MYBPC3: variants seen among roughly 807,000 people sequenced by gnomAD.
MYBPC3 encodes the protein myosin-binding protein C, cardiac-type.
Under a neutral mutation model 159.3 loss-of-function variants are expected in MYBPC3, and 108 were observed. The observed-to-expected ratio is 0.68, with a 90% confidence interval of 0.58 to 0.80. The LOEUF (loss-of-function observed/expected upper bound fraction) is 0.80, where lower values mean the gene tolerates loss of function less well. Ranked by LOEUF, MYBPC3 falls within the 30% of genes least tolerant of loss-of-function variation. MYBPC3 has a pLI of 0.00. For synonymous variants in MYBPC3, 730 were observed against 702.0 expected, an observed-to-expected ratio of 1.04 and a Z score of -0.63; for missense variants, 1,631 against 1,762.1, an observed-to-expected ratio of 0.93 and a Z score of 1.33.
intron 1 of MYBPC3, among the ~76,000 whole-genome samples, chr11:47,352,105 C>G (rs1373441164): frequency 6.6e-6 from 1 of 152,030 alleles, no homozygotes; most frequent in African/African-American, 2.4e-5. Context: ...GCTGTGTCAC[C>G]CTCAACATGG....
At position 47,338,702 on chromosome 11, in the gene MYBPC3, T is replaced by G. The variant is rs1595844422; in HGVS notation, c.2149-23A>C. ...CAGCTGGGGGGGTGCAGAGTTGGGG[T>G]GAGATCCAAGTCAGACCCCAGAGGC... is the stretch of plus-strand genomic sequence containing the variant. On this transcript the variant is annotated intron_variant, in intron 22 of 34. Coordinates refer to ENST00000545968, the MANE Select transcript of MYBPC3 (RefSeq NM_000256.3). The surrounding 1 kb of genome is among the most constrained non-coding windows in gnomAD (Gnocchi z 4.7). 6.3e-7 allele frequency: 1 copy of G among 1,594,272 alleles called. No individual in the cohort carries two copies. The highest frequency in any genetic ancestry group is 8.5e-7 in the Non-Finnish European group (1 of 1,170,314).
rs373638535 is a variant in MYBPC3 at position 47,351,410 on chromosome 11, G to A, written c.121C>T (p.Arg41Cys). 27 of 1,609,808 alleles carry A rather than the reference G, an allele frequency of 1.7e-5. No homozygotes were observed. Among genetic ancestry groups the A allele is most frequent in the South Asian group, 3.3e-5 (3 of 90,532 alleles). The change falls in exon 2 of 35, where the codon CGC becomes TGC. Residue 41 changes from arginine to cysteine, a missense_variant. Physicochemically the swap from Arg to Cys is radical, Grantham distance 180. Coordinates refer to ENST00000545968, the MANE Select transcript of MYBPC3 (RefSeq NM_000256.3). The surrounding 1 kb of genome is among the most constrained non-coding windows in gnomAD (Gnocchi z 4.2). ...ATGTCACTGCCTCCGCGCTGCCAGCGCACCTTCACTCCTGCCCGCTCTGTC... is the reference window on the plus strand; with the variant it reads ...ATGTCACTGCCTCCGCGCTGCCAGCACACCTTCACTCCTGCCCGCTCTGTC... ...AETERAGVKV[R>C]WQRGGSDISA...
In MYBPC3 at chr11:47,351,212, CTCAGGGAAGGCTGA is replaced by C; in HGVS notation, c.292+13_292+26del. 1 of 1,493,210 alleles carries C rather than the reference CTCAGGGAAGGCTGA, an allele frequency of 6.7e-7. No individual in the cohort carries two copies. The highest frequency in any genetic ancestry group is 2.5e-5 in the East Asian group (1 of 39,962). 92.5% of individuals were successfully genotyped at this position (1,493,210 alleles called of 1,614,324 possible). The stretch of plus-strand genomic sequence containing the variant: ...CTGCCCCTCCCCCAGCAGCCCAAAC[CTCAGGGAAGGCTGA>C]TCAGGATCTTACCTGCCTCTATGAC... On this transcript the variant is annotated intron_variant, in intron 2 of 34. Coordinates refer to ENST00000545968, the MANE Select transcript of MYBPC3 (RefSeq NM_000256.3). This position sits in a 1 kb window ranked among gnomAD's most constrained non-coding sequence, Gnocchi z 4.2.
At chr11:47,342,225 C>T (rs538446978) in intron 17 of MYBPC3, 69 bp from the exon 18 acceptor site, 5 of 1,557,144 alleles carry the variant, frequency 3.2e-6, no homozygotes, top group South Asian at 2.4e-5. Flanking sequence ...CTGTGGAGGG[C>T]GTGTGGGCCC....
Position 47,346,188 on chromosome 11 carries a change from C to T in MYBPC3, c.1090+19G>A. On this transcript the variant is annotated intron_variant, in intron 12 of 34. Coordinates refer to ENST00000545968, the MANE Select transcript of MYBPC3 (RefSeq NM_000256.3). The surrounding 1 kb of genome is among the most constrained non-coding windows in gnomAD (Gnocchi z 5.3). ...GGCTAGCCTGTGCCCTCTCCTCTCC[C>T]CTCTGAGGAAGGGCTAACCTGTGCT... The T allele has an allele frequency of 1.2e-6, 2 of 1,613,352 alleles. No homozygotes were observed. The highest frequency in any genetic ancestry group is 1.7e-6 in the Non-Finnish European group (2 of 1,179,700).
At chr11:47,337,603 C>T in intron 24 of MYBPC3, 24 bp from the exon 25 acceptor site, 1 of 1,613,886 alleles carries the variant, frequency 6.2e-7, no homozygotes, top group South Asian at 1.1e-5. Context: ...GGTGGCAGCT[C>T]TGGTCTGGAA....
At position 47,346,537 on chromosome 11, in the gene MYBPC3, G is replaced by T; in HGVS notation, c.926+90C>A. On this transcript the variant is annotated intron_variant, in intron 11 of 34. Coordinates refer to ENST00000545968, the MANE Select transcript of MYBPC3 (RefSeq NM_000256.3). This position sits in a 1 kb window ranked among gnomAD's most constrained non-coding sequence, Gnocchi z 5.3. ...GGTCCCAGGCCAGGCAGGACTGGGG[G>T]CCAAGGGAGCTGAAGAGGGGCTGGG... 6.7e-7 allele frequency: 1 copy of T among 1,491,298 alleles called. No individual in the cohort carries two copies. Among genetic ancestry groups the T allele is most frequent in the Non-Finnish European group, 9.0e-7 (1 of 1,107,560 alleles). The allele number at this position is 1,491,298 out of a possible 1,614,324, so 92.4% of individuals were successfully genotyped here. A position where few individuals can be genotyped will look rare whatever the true frequency, so the allele number is the denominator to read the frequency against.
At chr11:47,337,281 G>T in intron 25 of MYBPC3, 110 bp downstream of exon 25, 1 of 1,183,968 alleles carries the variant, frequency 8.4e-7, no homozygotes, top group African/African-American at 1.5e-5. Context: ...AGGATGAAAG[G>T]AGACTGTGGA....
intron 12 of MYBPC3, 140 bp from the exon 13 acceptor site, chr11:47,343,764 CTATT>C (rs2095891701): frequency 6.0e-6 from 5 of 834,092 alleles, no homozygotes; most frequent in Non-Finnish European, 8.8e-6. Context: ...CTCTGTGTCT[CTATT>C]TCTTTTTGTT....
Position 47,342,561 on chromosome 11 carries a change from C to T in MYBPC3, c.1624+17G>A, listed in dbSNP as rs556395012. The stretch of plus-strand genomic sequence containing the variant: ...TCCAAGCCCTAAAGCCTCATGTGCC[C>T]CCCCAGCCAGGCTCACCCTGCACAA... On this transcript the variant is annotated intron_variant, in intron 17 of 34. Transcript: ENST00000545968. The T allele has an allele frequency of 4.7e-5, 74 of 1,560,600 alleles. No individual in the cohort carries two copies. The highest frequency in any genetic ancestry group is 6.3e-5 in the Non-Finnish European group (73 of 1,153,036).
At position 47,338,036 on chromosome 11, in the gene MYBPC3, C is replaced by T. The variant is rs964528910; in HGVS notation, c.2309-242G>A. The stretch of plus-strand genomic sequence containing the variant: ...CAACAGGATGCATTTCTGATCATGT[C>T]GCCAGCCCTCCGTCAACCCTTTAAG... On this transcript the variant is annotated intron_variant, in intron 23 of 34. Transcript: ENST00000545968. The surrounding 1 kb of genome is among the most constrained non-coding windows in gnomAD (Gnocchi z 4.7). Among the ~76,000 whole-genome samples the T allele has an allele frequency of 6.7e-5, 10 of 148,272 alleles. No homozygotes were observed. Among genetic ancestry groups the T allele is most frequent in the Non-Finnish European group, 1.5e-4 (10 of 67,566 alleles).
intron 23 of MYBPC3, 64 bp from the exon 24 acceptor site, chr11:47,337,858 C>T (rs903625187): frequency 1.6e-5 from 23 of 1,418,300 alleles, no homozygotes; most frequent in African/African-American, 1.4e-4. Flanking sequence ...TAACGTTGCT[C>T]GTCCCCTTCC....
At chr11:47,347,931 G>A (rs2142865758) in intron 6 of MYBPC3, 26 bp from the exon 7 acceptor site, 1 of 1,566,554 alleles carries the variant, frequency 6.4e-7, no homozygotes, top group East Asian at 2.4e-5. Flanking sequence ...GGAGAGATGG[G>A]GGAAGGGGCT....
rs758914519 is a variant in MYBPC3 at position 47,352,672 on chromosome 11, G to A, written c.-25C>T. On this transcript the variant is annotated 5_prime_UTR_variant, in exon 1 of 35. Transcript: ENST00000545968. Reference sequence around the variant, plus strand: ...TCCTGAGAGACGTCACACCAGGCACGAAGCAGGCACAGGTCACCCAAAGAG... The same window carrying A: ...TCCTGAGAGACGTCACACCAGGCACAAAGCAGGCACAGGTCACCCAAAGAG... 15 of 1,582,588 alleles carry A rather than the reference G, an allele frequency of 9.5e-6. No homozygotes were observed. Among genetic ancestry groups the A allele is most frequent in the Non-Finnish European group, 1.2e-5 (14 of 1,164,854 alleles).
At position 47,351,274 on chromosome 11, in the gene MYBPC3, G is replaced by C. The variant is rs772057451; in HGVS notation, c.257C>G (p.Ser86Cys). ...QGSYAVIAGSSKVKFDLKVIE... is the reference protein window; with the variant it reads ...QGSYAVIAGSCKVKFDLKVIE... The stretch of plus-strand genomic sequence containing the variant: ...GACCTTGAGGTCGAACTTGACCTTG[G>C]AGGAGCCAGCAATGACTGCGTAAGA... The change falls in exon 2 of 35, where the codon TCC becomes TGC. Residue 86 changes from serine (S) to cysteine (C), a missense_variant. Coordinates refer to ENST00000545968, the MANE Select transcript of MYBPC3 (RefSeq NM_000256.3). The surrounding 1 kb of genome is among the most constrained non-coding windows in gnomAD (Gnocchi z 4.2). 1 of 1,555,830 alleles carries C rather than the reference G, an allele frequency of 6.4e-7. No individual in the cohort carries two copies. The highest frequency in any genetic ancestry group is 8.7e-7 in the Non-Finnish European group (1 of 1,146,100).
At position 47,342,034 on chromosome 11, in the gene MYBPC3, CCTTCCCATT is replaced by C; in HGVS notation, c.1738_1746del (p.Asn580_Lys582del). On this transcript the variant is annotated inframe_deletion, in exon 18 of 35. Transcript: ENST00000545968. ...TTTATGCGGCTGTCGGGCACCAGCT[CCTTCCCATT>C]CTTCAGCCACACACCCCGAACATTC... The C allele has an allele frequency of 6.2e-7, 1 of 1,603,546 alleles. No homozygotes were observed. The highest frequency in any genetic ancestry group is 8.5e-7 in the Non-Finnish European group (1 of 1,174,742).
chr11:47,335,214 G>T lies in MYBPC3; in HGVS notation c.2738-5C>A. 1 of 1,579,022 alleles carries T rather than the reference G, an allele frequency of 6.3e-7. No individual in the cohort carries two copies. ...GGGCAGCCACCCACTCTGAGCCTGG[G>T]GGTGGGGAGGGGGAGGCAAGGCCAC... On this transcript the variant is annotated splice_polypyrimidine_tract_variant and splice_region_variant and intron_variant, in intron 26 of 34. Coordinates refer to ENST00000545968, the MANE Select transcript of MYBPC3 (RefSeq NM_000256.3).
At chr11:47,347,084 G>T in intron 9 of MYBPC3, 55 bp from the exon 10 acceptor site, 2 of 904,938 alleles carry the variant, frequency 2.2e-6, no homozygotes, top group Non-Finnish European at 3.6e-6. Flanking sequence ...GGGAGAGAGA[G>T]GGCAGAGAGA....
Position 47,333,326 on chromosome 11 carries a change from T to C in MYBPC3, c.3198A>G (p.Pro1066=), listed in dbSNP as rs756786807. 9 of 1,576,356 alleles carry C rather than the reference T, an allele frequency of 5.7e-6. No homozygotes were observed. In the Admixed American group the frequency reaches 1.4e-4, roughly 25 times the overall value. The change falls in exon 30 of 35, where the codon CCA becomes CCG. Residue 1066 remains proline (P), a synonymous_variant. Transcript: ENST00000545968. ...ATLVLQVVDK[P]SPPQDLRVTD... The stretch of plus-strand genomic sequence containing the variant: ...TCACCCGGAGATCCTGGGGAGGACT[T>C]GGCTTGTCTGCGGGAGACAGACCCA...
Sources: gnomAD v4.1 joint callset for allele counts (sites outside exome capture counted in the v4.1 genomes callset) on GRCh38, gnomAD v4.1.1 for gene constraint, Gnocchi (gnomAD v3.1) non-coding constraint, MANE v1.5 for transcripts, NCBI Gene and HGNC (gene_info 2026-07-23, HGNC 2026-07-21) for gene names.